Variants in SUGCT observed in about 807,000 individuals in gnomAD.
SUGCT encodes the protein succinyl-CoA:glutarate-CoA transferase, also known as succinyl-CoA:glutarate CoA-transferase.
Under a neutral mutation model 55.0 loss-of-function variants are expected in SUGCT, and 41 were observed. That is an observed-to-expected ratio of 0.74 (90% CI 0.58 to 0.97). The LOEUF (loss-of-function observed/expected upper bound fraction) is 0.97, where lower values mean the gene tolerates loss of function less well. Ranked by LOEUF, SUGCT falls within the 50% of genes least tolerant of loss-of-function variation. SUGCT has a pLI of 0.00. For missense variants in SUGCT, 568 were observed against 547.8 expected (o/e 1.04, Z -0.37); for synonymous variants, 187 against 200.4 (o/e 0.93, Z 0.56).
intron 1 of SUGCT, among the ~76,000 whole-genome samples, chr7:40,172,001 C>G (rs1784698935): frequency 6.6e-6 from 1 of 152,152 alleles, no homozygotes; most frequent in Non-Finnish European, 1.5e-5. Flanking sequence ...TTTCCCTTTT[C>G]TCTCTTTCCC....
intron 1 of SUGCT, among the ~76,000 whole-genome samples, chr7:40,159,872 A>G (rs1257597588): frequency 1.3e-5 from 2 of 152,164 alleles, no homozygotes; most frequent in Non-Finnish European, 2.9e-5. Flanking sequence ...GAGAGTGCCT[A>G]TGTAAATAGT....
chr7:40,339,660 T>C (rs898948180), intron 9 of SUGCT, among the ~76,000 whole-genome samples: 3 of 152,180 alleles, frequency 2.0e-5, no homozygotes, highest in Non-Finnish European at 4.4e-5. Context: ...TTCGCTTGGC[T>C]AGGAAAGGGT....
intron 12 of SUGCT, among the ~76,000 whole-genome samples, chr7:40,516,343 T>A (rs1161615314): frequency 1.3e-5 from 2 of 152,178 alleles, no homozygotes; most frequent in Non-Finnish European, 2.9e-5. Context: ...TTAGTTTTGA[T>A]GAAGCACTAA....
At chr7:40,546,575 A>G (rs1373337259) in intron 12 of SUGCT, 1 of 152,232 alleles carries the variant, frequency 6.6e-6, no homozygotes, top group Non-Finnish European at 1.5e-5. Flanking sequence ...CAGTTTGAAT[A>G]AAAGCCTCTA....
chr7:40,504,806 T>C (rs1562823336), intron 12 of SUGCT, among the ~76,000 whole-genome samples: 1 of 152,198 alleles, frequency 6.6e-6, no homozygotes, highest in Non-Finnish European at 1.5e-5. Context: ...CAATTAATCT[T>C]GCTCAAAATC....
intron 12 of SUGCT, among the ~76,000 whole-genome samples, chr7:40,532,987 A>G (rs1389467762): frequency 6.6e-6 from 1 of 152,194 alleles, no homozygotes; most frequent in African/African-American, 2.4e-5. Flanking sequence ...GTGATAGGCT[A>G]CTAAATCCCT....
intron 12 of SUGCT, among the ~76,000 whole-genome samples, chr7:40,609,921 A>T (rs965505880): frequency 1.3e-5 from 2 of 152,210 alleles, no homozygotes; most frequent in African/African-American, 4.8e-5. Context: ...GAGTAGAGCA[A>T]TGTAAGTGTT....
At chr7:40,808,029 C>G (rs1452252743) in intron 13 of SUGCT, 1 of 152,182 alleles carries the variant, frequency 6.6e-6, no homozygotes, top group African/African-American at 2.4e-5. Flanking sequence ...ATATTAATCT[C>G]CTTTGGCAAC....
At chr7:40,183,828 C>G (rs1785350732) in intron 3 of SUGCT, among the ~76,000 whole-genome samples, 1 of 152,084 alleles carries the variant, frequency 6.6e-6, no homozygotes, top group South Asian at 2.1e-4. Context: ...TTGGTATCAT[C>G]TTAGCATTTT....
chr7:40,563,186 C>T (rs181482679), intron 12 of SUGCT, among the ~76,000 whole-genome samples: 1 of 152,108 alleles, frequency 6.6e-6, no homozygotes, highest in Non-Finnish European at 1.5e-5. Flanking sequence ...GGAGACTCCC[C>T]TTTTATCTGC....
intron 12 of SUGCT, among the ~76,000 whole-genome samples, chr7:40,681,500 C>T (rs963460380): frequency 2.0e-5 from 3 of 152,098 alleles, no homozygotes; most frequent in African/African-American, 4.8e-5. Context: ...GATACCACAC[C>T]GAGGTTTTGC....
At chr7:40,168,167 C>T (rs1019537999) in intron 1 of SUGCT, among the ~76,000 whole-genome samples, 3 of 152,164 alleles carry the variant, frequency 2.0e-5, no homozygotes, top group African/African-American at 7.2e-5. Flanking sequence ...GTCACCTTCC[C>T]AGCTAGTCTT....
At chr7:40,232,391 A>G (rs751863973) in intron 6 of SUGCT, among the ~76,000 whole-genome samples, 12 of 152,146 alleles carry the variant, frequency 7.9e-5, no homozygotes, top group African/African-American at 1.4e-4. Context: ...ACCCAGGGCA[A>G]CAGGGGTTAA....
At chr7:40,334,163 TG>T in intron 9 of SUGCT, among the ~76,000 whole-genome samples, 1 of 152,342 alleles carries the variant, frequency 6.6e-6, no homozygotes, top group African/African-American at 2.4e-5. Flanking sequence ...GATGGACCTT[TG>T]GGTTGGTTCC....
At chr7:40,736,542 T>A (rs1330856590) in intron 12 of SUGCT, among the ~76,000 whole-genome samples, 1 of 151,770 alleles carries the variant, frequency 6.6e-6, no homozygotes, top group African/African-American at 2.4e-5. Flanking sequence ...TGATGGTGGT[T>A]AAACTGTAGA....
intron 11 of SUGCT, among the ~76,000 whole-genome samples, chr7:40,463,770 A>C (rs1437640027): frequency 6.6e-6 from 1 of 152,190 alleles, no homozygotes; most frequent in Admixed American, 6.5e-5. Flanking sequence ...TAAAGGTAGA[A>C]GACTTTCCCC....
intron 12 of SUGCT, among the ~76,000 whole-genome samples, chr7:40,665,269 T>G (rs1801558887): frequency 6.6e-6 from 1 of 150,844 alleles, no homozygotes; most frequent in Admixed American, 6.6e-5. Flanking sequence ...TGAAACCCTG[T>G]CGCTACTAAA....
Position 40,702,688 on chromosome 7 carries a change from C to T in SUGCT, c.1090-46746C>T, listed in dbSNP as rs192505165. On this transcript the variant is annotated intron_variant, in intron 12 of 13. Transcript: ENST00000335693. ...ATAGTGATCCATCAATATGAGTCGGCTCCATGTTTTGGGGGTTGAGAGAAC... is the reference window on the plus strand; with the variant it reads ...ATAGTGATCCATCAATATGAGTCGGTTCCATGTTTTGGGGGTTGAGAGAAC... Among the ~76,000 whole-genome samples, 103 of 152,280 alleles carry T rather than the reference C, an allele frequency of 6.8e-4. 3 individuals are homozygous for T. In the South Asian group the frequency reaches 0.019, roughly 28 times the overall value.
At chr7:40,377,192 TTCTTTCTTTTCTTTTC>T (rs1784616180) in intron 9 of SUGCT, among the ~76,000 whole-genome samples, 3 of 9,422 alleles carry the variant, frequency 3.2e-4, no homozygotes, top group Non-Finnish European at 8.3e-3. Context: ...CTTTCTTTCT[TTCTTTCTTTTCTTTTC>T]TTTTCTTTCT....
Sources: gnomAD v4.1 joint callset for allele counts (sites outside exome capture counted in the v4.1 genomes callset) on GRCh38, gnomAD v4.1.1 for gene constraint, MANE v1.5 for transcripts, NCBI Gene and HGNC (gene_info 2026-07-23, HGNC 2026-07-21) for gene names.